Variants in NRG3 observed in about 807,000 individuals in gnomAD.
NRG3 encodes pro-neuregulin-3, membrane-bound isoform.
Under a neutral mutation model 66.9 loss-of-function variants are expected in NRG3, and 31 were observed. That is an observed-to-expected ratio of 0.46 (90% CI 0.35 to 0.63). NRG3 has a LOEUF of 0.63. Ranked by LOEUF, NRG3 falls within the 20% of genes least tolerant of loss-of-function variation. The probability of loss-of-function intolerance (pLI) is 0.00; values close to 1 mark genes in which losing one functional copy is unlikely to be tolerated. For missense variants in NRG3, 910 were observed against 878.9 expected, an observed-to-expected ratio of 1.04 and a Z score of -0.45; for synonymous variants, 393 against 359.4, an observed-to-expected ratio of 1.09 and a Z score of -1.06.
intron 1 of NRG3, among the ~76,000 whole-genome samples, chr10:81,941,878 C>T (rs1440958191): frequency 6.6e-6 from 1 of 152,090 alleles, no homozygotes; most frequent in African/African-American, 2.4e-5. Flanking sequence ...TATTGAACTT[C>T]TGCATTAGCA....
intron 1 of NRG3, among the ~76,000 whole-genome samples, chr10:82,040,457 G>GA (rs1342552280): frequency 6.6e-6 from 1 of 151,578 alleles, no homozygotes. Context: ...TATCCATGAG[G>GA]ACTGAACTTT....
In NRG3 at chr10:82,049,860, T is replaced by A. The variant is rs1564770558; in HGVS notation, c.823+173697T>A. 2.0e-5 allele frequency among the ~76,000 whole-genome samples: 3 copies of A among 151,994 alleles called. No individual in the cohort carries two copies. The South Asian group carries it at 6.2e-4, about 32-fold the overall frequency. On this transcript the variant is annotated intron_variant, in intron 1 of 8. Transcript: ENST00000372141. The stretch of plus-strand genomic sequence containing the variant: ...GCTGGTTTGAGATGAACCCATAAAA[T>A]CCATAAAATTAAAAATCTCAATAAT...
At chr10:81,933,180 G>A (rs1847552767) in intron 1 of NRG3, among the ~76,000 whole-genome samples, 2 of 151,228 alleles carry the variant, frequency 1.3e-5, no homozygotes. Flanking sequence ...AGGATATAAT[G>A]AAAGAGGATC....
intron 1 of NRG3, among the ~76,000 whole-genome samples, chr10:82,051,074 T>G (rs1402217603): frequency 6.6e-6 from 1 of 152,168 alleles, no homozygotes; most frequent in Non-Finnish European, 1.5e-5. Flanking sequence ...TCGAGAATTC[T>G]TCAAATTGAT....
At position 82,422,379 on chromosome 10, in the gene NRG3, A is replaced by G. The variant is rs1320255555; in HGVS notation, c.953+63511A>G. 2.0e-5 allele frequency among the ~76,000 whole-genome samples: 3 copies of G among 152,112 alleles called. No homozygotes were observed. In the East Asian group the frequency reaches 5.8e-4, roughly 29 times the overall value. ...TATTAATATGCACAATGACCTTTCA[A>G]GAATGGAATCTAATGTGCAATGATT... is the stretch of plus-strand genomic sequence containing the variant. On this transcript the variant is annotated intron_variant, in intron 2 of 8. Transcript: ENST00000372141.
intron 1 of NRG3, among the ~76,000 whole-genome samples, chr10:82,132,551 TTGTC>T (rs1274533729): frequency 7.4e-6 from 1 of 135,920 alleles, no homozygotes; most frequent in Non-Finnish European, 1.6e-5. Flanking sequence ...ATATATATCT[TTGTC>T]TGGTTTTGTT....
intron 4 of NRG3, among the ~76,000 whole-genome samples, chr10:82,930,506 T>A (rs147984350): frequency 6.6e-6 from 1 of 152,292 alleles, no homozygotes; most frequent in African/African-American, 2.4e-5. Context: ...ATAGGGTGGA[T>A]AATATGCCTT....
At chr10:82,035,489 T>C (rs2062755578) in intron 1 of NRG3, among the ~76,000 whole-genome samples, 1 of 152,180 alleles carries the variant, frequency 6.6e-6, no homozygotes, top group Admixed American at 6.6e-5. Context: ...ACTGTTGCTA[T>C]GATAAACTGT....
chr10:82,390,111 G>A (rs930085584), intron 2 of NRG3, among the ~76,000 whole-genome samples: 1 of 152,142 alleles, frequency 6.6e-6, no homozygotes, highest in Non-Finnish European at 1.5e-5. Flanking sequence ...TAAAACAAGA[G>A]TACAAACCTA....
intron 1 of NRG3, among the ~76,000 whole-genome samples, chr10:82,226,413 G>C (rs2076166302): frequency 6.6e-6 from 1 of 152,112 alleles, no homozygotes; most frequent in Non-Finnish European, 1.5e-5. Context: ...GCATTTTCTG[G>C]AGGCACACCC....
intron 3 of NRG3, among the ~76,000 whole-genome samples, chr10:82,822,707 A>G (rs1325008239): frequency 1.3e-5 from 2 of 152,028 alleles, no homozygotes; most frequent in African/African-American, 4.8e-5. Flanking sequence ...AAATATGTCC[A>G]ATATGCCCTG....
At chr10:82,201,623 T>A (rs1348956509) in intron 1 of NRG3, among the ~76,000 whole-genome samples, 1 of 152,144 alleles carries the variant, frequency 6.6e-6, no homozygotes, top group Non-Finnish European at 1.5e-5. Context: ...GTTGTCTTTT[T>A]TTTTAGCAGG....
intron 1 of NRG3, among the ~76,000 whole-genome samples, chr10:82,293,206 C>T (rs1352272285): frequency 6.6e-6 from 1 of 152,046 alleles, no homozygotes. Flanking sequence ...ACGTTGAGTT[C>T]AATTTTTTGT....
At chr10:82,765,918 A>C (rs2059496603) in intron 3 of NRG3, among the ~76,000 whole-genome samples, 1 of 152,172 alleles carries the variant, frequency 6.6e-6, no homozygotes, top group South Asian at 2.1e-4. Flanking sequence ...TTAATATCAG[A>C]TTTGATTTCC....
intron 1 of NRG3, among the ~76,000 whole-genome samples, chr10:81,993,681 A>G (rs2133595538): frequency 6.6e-6 from 1 of 152,284 alleles, no homozygotes; most frequent in Non-Finnish European, 1.5e-5. Context: ...TCCAATTCCA[A>G]ATTTAGTGTC....
chr10:82,807,334 A>C (rs1271058734), intron 3 of NRG3, among the ~76,000 whole-genome samples: 5 of 152,346 alleles, frequency 3.3e-5, no homozygotes, highest in Middle Eastern at 6.8e-3. Context: ...TTGAGCAAGT[A>C]AACTTGCAAG....
chr10:82,210,148 G>C (rs762042299), intron 1 of NRG3, among the ~76,000 whole-genome samples: 1 of 152,110 alleles, frequency 6.6e-6, no homozygotes, highest in Non-Finnish European at 1.5e-5. Context: ...CTGCATAAAT[G>C]AATTTATAAG....
intron 1 of NRG3, among the ~76,000 whole-genome samples, chr10:82,331,569 A>G (rs2082135729): frequency 6.6e-6 from 1 of 152,170 alleles, no homozygotes. Flanking sequence ...AGTTCATGTT[A>G]TCATATCTAA....
intron 1 of NRG3, among the ~76,000 whole-genome samples, chr10:82,216,462 G>A (rs28533874): frequency 8.9e-5 from 11 of 124,256 alleles, no homozygotes; most frequent in African/African-American, 2.0e-4. Context: ...TTATATATAT[G>A]TGTGTGTGTG....
Sources: allele counts gnomAD v4.1 joint callset (sites outside exome capture counted in the v4.1 genomes callset), GRCh38; gene constraint gnomAD v4.1.1; transcripts MANE v1.5; gene names NCBI Gene and HGNC (gene_info 2026-07-23, HGNC 2026-07-21).